ZSWIM6: variants seen among roughly 807,000 people sequenced by gnomAD.
ZSWIM6 encodes zinc finger SWIM-type containing 6.
Under a neutral mutation model 113.2 loss-of-function variants are expected in ZSWIM6, and 9 were observed. The ratio of observed to expected loss-of-function variants is 0.08; its 90% confidence interval spans 0.05 to 0.14. The LOEUF (loss-of-function observed/expected upper bound fraction) is 0.14. Ranked by LOEUF, ZSWIM6 falls within the 10% of genes least tolerant of loss-of-function variation. ZSWIM6 has a pLI of 1.00. For synonymous variants in ZSWIM6, 611 were observed against 606.5 expected (o/e 1.01, Z -0.11); for missense variants, 1,162 against 1,552.2 (o/e 0.75, Z 4.22).
chr5:61,431,790 C>T (rs957603960), intron 1 of ZSWIM6, among the ~76,000 whole-genome samples: 5 of 152,140 alleles, frequency 3.3e-5, no homozygotes, highest in African/African-American at 1.2e-4. Flanking sequence ...ACTACTTCAC[C>T]TACCCTCTTA....
At chr5:61,491,063 G>C in intron 3 of ZSWIM6, 129 bp downstream of exon 3, 1 of 829,720 alleles carries the variant, frequency 1.2e-6, no homozygotes, top group Non-Finnish European at 1.7e-6. Context: ...CTGACCAATA[G>C]AAACTTTTGT....
intron 1 of ZSWIM6, chr5:61,390,561 C>T (rs1234747820): frequency 1.9e-6 from 1 of 523,894 alleles, no homozygotes; most frequent in African/African-American, 1.9e-5. Flanking sequence ...AAAGTTAAAA[C>T]TTTTGTGAAT....
intron 2 of ZSWIM6, among the ~76,000 whole-genome samples, chr5:61,477,993 T>G (rs753380752): frequency 2.0e-5 from 3 of 152,210 alleles, no homozygotes; most frequent in Non-Finnish European, 4.4e-5. Context: ...CATGTCACAT[T>G]TTCCTTCCTT....
chr5:61,448,457 T>G (rs1026530820), intron 1 of ZSWIM6, among the ~76,000 whole-genome samples: 1 of 152,242 alleles, frequency 6.6e-6, no homozygotes. Flanking sequence ...CATTATTTCA[T>G]TTTCTTCCCT....
chr5:61,403,482 A>G (rs553775518), intron 1 of ZSWIM6, among the ~76,000 whole-genome samples: 3 of 152,344 alleles, frequency 2.0e-5, no homozygotes, highest in Admixed American at 6.5e-5. Context: ...ATATGCAGCT[A>G]GCAACTTCAG....
chr5:61,429,695 A>T (rs1252765267), intron 1 of ZSWIM6, among the ~76,000 whole-genome samples: 1 of 152,012 alleles, frequency 6.6e-6, no homozygotes, highest in Admixed American at 6.6e-5. Context: ...CTGTGTGTGT[A>T]TGTGTCTATG....
intron 1 of ZSWIM6, among the ~76,000 whole-genome samples, chr5:61,357,315 C>T (rs780890798): frequency 2.6e-5 from 4 of 151,896 alleles, no homozygotes; most frequent in Admixed American, 6.6e-5. Flanking sequence ...TAAAGCAGCA[C>T]GAAAATAATA....
At chr5:61,380,273 G>A (rs940334592) in intron 1 of ZSWIM6, among the ~76,000 whole-genome samples, 5 of 151,836 alleles carry the variant, frequency 3.3e-5, no homozygotes, top group Admixed American at 1.3e-4. Flanking sequence ...ACGGGGTTTC[G>A]CCCTGTTGGC....
At chr5:61,346,728 A>G (rs1434988774) in intron 1 of ZSWIM6, among the ~76,000 whole-genome samples, 2 of 152,202 alleles carry the variant, frequency 1.3e-5, no homozygotes, top group East Asian at 3.8e-4. Flanking sequence ...TTGTCAGAGC[A>G]GTTTCTTTGC....
chr5:61,338,699 G>A (rs963992934), intron 1 of ZSWIM6, among the ~76,000 whole-genome samples: 2 of 152,146 alleles, frequency 1.3e-5, no homozygotes, highest in African/African-American at 2.4e-5. Context: ...TGAAAATGGC[G>A]GATTTGGGTT....
intron 1 of ZSWIM6, among the ~76,000 whole-genome samples, chr5:61,354,346 G>A (rs999883184): frequency 2.0e-5 from 3 of 152,160 alleles, no homozygotes; most frequent in African/African-American, 7.2e-5. Context: ...CTGATTTATA[G>A]AAGTACCATG....
At position 61,391,023 on chromosome 5, in the gene ZSWIM6, G is replaced by T. The variant is rs1006319429; in HGVS notation, c.676+58075G>T. On this transcript the variant is annotated intron_variant, in intron 1 of 13. Coordinates refer to ENST00000252744, the MANE Select transcript of ZSWIM6 (RefSeq NM_020928.2). ...CAAAGTATCCCTGGCTGATCTTATA[G>T]ATCTTGTTGATCTCAGTGCTGTGAC... is the stretch of plus-strand genomic sequence containing the variant. The T allele has an allele frequency of 6.7e-6, 5 of 748,682 alleles. No individual in the cohort carries two copies. In the African/African-American group the frequency reaches 8.5e-5, roughly 13 times the overall value. 46.4% of individuals were successfully genotyped at this position (748,682 alleles called of 1,614,324 possible). A position where few individuals can be genotyped will look rare whatever the true frequency, so the allele number is the denominator to read the frequency against.
At chr5:61,384,539 T>G (rs1020350903) in intron 1 of ZSWIM6, among the ~76,000 whole-genome samples, 3 of 152,160 alleles carry the variant, frequency 2.0e-5, no homozygotes, top group African/African-American at 7.2e-5. Flanking sequence ...CATGAGATTA[T>G]GGGGTTTAGA....
Position 61,404,058 on chromosome 5 carries a change from AG to A in ZSWIM6, c.677-68622del, listed in dbSNP as rs1745995984. Among the ~76,000 whole-genome samples, 3 of 149,848 alleles carry A rather than the reference AG, an allele frequency of 2.0e-5. No individual in the cohort carries two copies. The South Asian group carries it at 6.3e-4, about 32-fold the overall frequency. ...AGTCTCGCTCTGCCGCCCAGGCTGG[AG>A]TGCAGTGGCGCGATCTTGGCTCACT... On this transcript the variant is annotated intron_variant, in intron 1 of 13. Transcript: ENST00000252744.
chr5:61,412,252 A>G (rs1209798733), intron 1 of ZSWIM6, among the ~76,000 whole-genome samples: 1 of 152,250 alleles, frequency 6.6e-6, no homozygotes, highest in Non-Finnish European at 1.5e-5. Flanking sequence ...TTATGCAGGA[A>G]TAGAACTTCT....
At chr5:61,487,832 A>G (rs1428149046) in intron 2 of ZSWIM6, among the ~76,000 whole-genome samples, 1 of 152,040 alleles carries the variant, frequency 6.6e-6, no homozygotes, top group Non-Finnish European at 1.5e-5. Flanking sequence ...AACAGGGATA[A>G]TTTGACTTCT....
intron 4 of ZSWIM6, among the ~76,000 whole-genome samples, chr5:61,508,368 A>G (rs1001227455): frequency 2.0e-5 from 3 of 152,210 alleles, no homozygotes; most frequent in African/African-American, 7.2e-5. Flanking sequence ...TAGCATACAA[A>G]CCAGCATTAA....
In ZSWIM6 at chr5:61,530,076, C is replaced by T. The variant is rs534372787; in HGVS notation, c.1862C>T (p.Ser621Leu). ...KKELPHKNIT[S>L]ITNLEGWVGH... ...GAGCTACCCCATAAAAACATAACCT[C>T]GATAACCAATCTGGAGGGCTGGGTT... Residue 621 changes from serine to leucine, a missense_variant, in exon 8 of 14, where the codon TCG becomes TTG. Ser to Leu is a moderately radical substitution (Grantham distance 145). This residue lies in a region of ZSWIM6 where 620 missense variants were observed against 804.6 expected (regional missense o/e 0.77). Coordinates refer to ENST00000252744, the MANE Select transcript of ZSWIM6 (RefSeq NM_020928.2). The T allele has an allele frequency of 1.9e-5, 30 of 1,551,400 alleles. 2 individuals are homozygous for T. In the East Asian group the frequency reaches 4.2e-4, roughly 21 times the overall value.
At chr5:61,379,739 T>A (rs1411925029) in intron 1 of ZSWIM6, among the ~76,000 whole-genome samples, 2 of 152,160 alleles carry the variant, frequency 1.3e-5, no homozygotes, top group African/African-American at 2.4e-5. Context: ...GAACGAACCT[T>A]CCTATACAAT....
Sources: gnomAD v4.1 joint callset for allele counts (sites outside exome capture counted in the v4.1 genomes callset) on GRCh38, gnomAD v4.1.1 for gene constraint, gnomAD v4.1.1 regional missense constraint, MANE v1.5 for transcripts, NCBI Gene and HGNC (gene_info 2026-07-23, HGNC 2026-07-21) for gene names.